Variants in SH3RF3 observed in about 807,000 individuals in gnomAD.
SH3RF3 encodes SH3 domain containing ring finger 3.
A neutral mutation model predicts 66.3 loss-of-function variants in SH3RF3; 29 were observed. The ratio of observed to expected loss-of-function variants is 0.44; its 90% CI spans 0.33 to 0.60. SH3RF3 has a LOEUF of 0.60. Among genes scored for constraint, SH3RF3 ranks in the 20% least tolerant of loss-of-function variants. The probability of loss-of-function intolerance (pLI) is 0.04; values close to 1 mark genes in which losing one functional copy is unlikely to be tolerated. For synonymous variants in SH3RF3, 583 were observed against 532.0 expected, an observed-to-expected ratio of 1.10 and a Z score of -1.32; for missense variants, 1,194 against 1,190.9, an observed-to-expected ratio of 1.00 and a Z score of -0.04.
At chr2:109,226,315 A>T (rs970478808) in intron 1 of SH3RF3, among the ~76,000 whole-genome samples, 1 of 152,188 alleles carries the variant, frequency 6.6e-6, no homozygotes, top group South Asian at 2.1e-4. Flanking sequence ...CATTTTGAAC[A>T]TGACCCTGCC....
rs181217507 is a variant in SH3RF3 at position 109,431,081 on chromosome 2, C to G, written c.1404-1420C>G. 6.6e-5 allele frequency among the ~76,000 whole-genome samples: 10 copies of G among 152,300 alleles called. No individual in the cohort carries two copies. The East Asian group carries it at 7.7e-4, about 12-fold the overall frequency. ...TATTCCAGAATATTCCACACTGGTT[C>G]TTTTTTCCTGCTTGAGCCCTCGTGA... On this transcript the variant is annotated intron_variant, in intron 5 of 9. Coordinates refer to ENST00000309415, the MANE Select transcript of SH3RF3 (RefSeq NM_001099289.3).
chr2:109,213,987 G>T (rs1262236183), intron 1 of SH3RF3, among the ~76,000 whole-genome samples: 2 of 152,198 alleles, frequency 1.3e-5, no homozygotes, highest in Non-Finnish European at 2.9e-5. Context: ...CTGTGGATTG[G>T]GTGGACGTGG....
At chr2:109,228,955 G>T (rs1679435752) in intron 1 of SH3RF3, among the ~76,000 whole-genome samples, 1 of 152,152 alleles carries the variant, frequency 6.6e-6, no homozygotes, top group South Asian at 2.1e-4. Context: ...CAAGTTTCTG[G>T]TCATGGCTAG....
chr2:109,165,297 C>T (rs1370196855), intron 1 of SH3RF3, among the ~76,000 whole-genome samples: 1 of 152,204 alleles, frequency 6.6e-6, no homozygotes, highest in Non-Finnish European at 1.5e-5. Context: ...GTGCTACTGG[C>T]AGGGCCACTG....
At chr2:109,157,081 G>C (rs56155479) in intron 1 of SH3RF3, among the ~76,000 whole-genome samples, 1 of 152,164 alleles carries the variant, frequency 6.6e-6, no homozygotes, top group African/African-American at 2.4e-5. Flanking sequence ...GGTAAACACA[G>C]GTGGCTCCAG....
intron 8 of SH3RF3, among the ~76,000 whole-genome samples, chr2:109,466,209 A>C (rs1678342053): frequency 6.7e-6 from 1 of 150,274 alleles, no homozygotes; most frequent in African/African-American, 2.5e-5. Flanking sequence ...CAGCCTCCCG[A>C]GTAGCTGGGA....
chr2:109,465,453 A>G (rs983465808), intron 8 of SH3RF3, among the ~76,000 whole-genome samples: 154 of 152,334 alleles, frequency 1.0e-3, no homozygotes, highest in African/African-American at 3.7e-3. Flanking sequence ...CCAGCAATGA[A>G]TGAGAGTTCT....
At chr2:109,420,191 C>T (rs1676833864) in intron 5 of SH3RF3, among the ~76,000 whole-genome samples, 1 of 152,238 alleles carries the variant, frequency 6.6e-6, no homozygotes, top group Admixed American at 6.5e-5. Context: ...TAAATTACAG[C>T]TCTTAACAGA....
At chr2:109,346,894 A>C (rs1325160360) in intron 1 of SH3RF3, among the ~76,000 whole-genome samples, 1 of 152,228 alleles carries the variant, frequency 6.6e-6, no homozygotes, top group East Asian at 1.9e-4. Flanking sequence ...GACTGCTACA[A>C]GTACATGCAG....
At chr2:109,340,636 C>T (rs1257753067) in intron 1 of SH3RF3, among the ~76,000 whole-genome samples, 2 of 152,180 alleles carry the variant, frequency 1.3e-5, no homozygotes, top group Non-Finnish European at 2.9e-5. Context: ...CCTGGAACAT[C>T]TGTTTGCCTC....
At chr2:109,130,376 C>T (rs1455962464) in intron 1 of SH3RF3, among the ~76,000 whole-genome samples, 1 of 152,360 alleles carries the variant, frequency 6.6e-6, no homozygotes, top group African/African-American at 2.4e-5. Context: ...ATTCCTTGGC[C>T]GGACTTGTTA....
intron 1 of SH3RF3, among the ~76,000 whole-genome samples, chr2:109,203,437 T>C (rs1364639713): frequency 6.6e-6 from 1 of 152,192 alleles, no homozygotes; most frequent in Non-Finnish European, 1.5e-5. Context: ...AGGCGATCAC[T>C]GTATCCCTGG....
At chr2:109,169,467 G>T (rs899285286) in intron 1 of SH3RF3, among the ~76,000 whole-genome samples, 2 of 152,030 alleles carry the variant, frequency 1.3e-5, no homozygotes, top group Admixed American at 6.6e-5. Context: ...TTGAATTGTC[G>T]GGGAGGAAGC....
intron 8 of SH3RF3, among the ~76,000 whole-genome samples, chr2:109,458,600 G>GAGAGAGAGAGAGAGAGAGAGAT (rs1678129291): frequency 3.3e-5 from 5 of 150,680 alleles, no homozygotes; most frequent in Non-Finnish European, 5.9e-5. Context: ...GAGAGAGAGA[G>GAGAGAGAGAGAGAGAGAGAGAT]AATTTATTTA....
At position 109,246,750 on chromosome 2, in the gene SH3RF3, G is replaced by A. The variant is rs570398243; in HGVS notation, c.574-100924G>A. ...GACTGGGAGGCAGTGGGGATGCCGG[G>A]GTGGAGATGATACCTGAGCCTGGAG... On this transcript the variant is annotated intron_variant, in intron 1 of 9. Coordinates refer to ENST00000309415, the MANE Select transcript of SH3RF3 (RefSeq NM_001099289.3). Among the ~76,000 whole-genome samples the A allele has an allele frequency of 1.1e-3, 165 of 152,310 alleles. 1 individual carries two copies. Among genetic ancestry groups the A allele is most frequent in the African/African-American group, 3.8e-3 (156 of 41,572 alleles).
intron 1 of SH3RF3, among the ~76,000 whole-genome samples, chr2:109,224,515 G>A (rs1679325999): frequency 6.6e-6 from 1 of 152,180 alleles, no homozygotes; most frequent in Admixed American, 6.5e-5. Context: ...AGCCACAGGT[G>A]ACTACTGAGC....
At chr2:109,160,448 C>T (rs1032445703) in intron 1 of SH3RF3, among the ~76,000 whole-genome samples, 1 of 152,340 alleles carries the variant, frequency 6.6e-6, no homozygotes, top group African/African-American at 2.4e-5. Flanking sequence ...TTTCCAGCAA[C>T]AGGGTGGACA....
In SH3RF3 at chr2:109,502,519, C is replaced by T. The variant is rs375526311; in HGVS notation, c.*848C>T. ...TTCCCATATGGCTTTGGGAGAGCGC[C>T]GAGAAGCCGCCATCCCGCACCTCAG... is the stretch of plus-strand genomic sequence containing the variant. On this transcript the variant is annotated 3_prime_UTR_variant, in exon 10 of 10. Coordinates refer to ENST00000309415, the MANE Select transcript of SH3RF3 (RefSeq NM_001099289.3). The T allele has an allele frequency of 3.9e-5, 6 of 152,104 alleles. No individual in the cohort carries two copies. Among genetic ancestry groups the T allele is most frequent in the South Asian group, 2.1e-4 (1 of 4,820 alleles). 9.4% of individuals were successfully genotyped at this position (152,104 alleles called of 1,614,324 possible). A position where few individuals can be genotyped will look rare whatever the true frequency, so the allele number is the denominator to read the frequency against.
At chr2:109,250,705 G>A (rs909401921) in intron 1 of SH3RF3, among the ~76,000 whole-genome samples, 2 of 151,794 alleles carry the variant, frequency 1.3e-5, no homozygotes, top group Admixed American at 6.6e-5. Context: ...GGACCTAGAA[G>A]CAAACTACCA....
Sources: allele counts gnomAD v4.1 joint callset (sites outside exome capture counted in the v4.1 genomes callset), GRCh38; gene constraint gnomAD v4.1.1; transcripts MANE v1.5; gene names NCBI Gene and HGNC (gene_info 2026-07-23, HGNC 2026-07-21).